TMEM131L: variants seen among roughly 807,000 people sequenced by gnomAD.
The protein encoded by TMEM131L is transmembrane protein 131-like.
Under a neutral mutation model 192.2 loss-of-function variants are expected in TMEM131L, and 54 were observed. The observed-to-expected ratio is 0.28, with a 90% CI of 0.23 to 0.35. The LOEUF (loss-of-function observed/expected upper bound fraction) is 0.35. Ranked by LOEUF, TMEM131L falls within the 10% of genes least tolerant of loss-of-function variation. The pLI, the probability that TMEM131L is intolerant of heterozygous loss-of-function variation, is 1.00. For missense variants in TMEM131L, 1,888 were observed against 1,972.9 expected (o/e 0.96, Z 0.82); for synonymous variants, 701 against 704.9 (o/e 0.99, Z 0.09).
intron 25 of TMEM131L, among the ~76,000 whole-genome samples, chr4:153,605,490 C>G (rs114646207): frequency 0.032 from 4,889 of 152,330 alleles, 215 homozygotes; most frequent in African/African-American, 0.09. Context: ...ATCCCAGCCT[C>G]CTGAGTAGCT....
Position 153,466,413 on chromosome 4 carries a change from C to T in TMEM131L, c.16C>T (p.Arg6Cys). MAGLRRPQPGCYCRTA... is the reference protein window; with the variant it reads MAGLRCPQPGCYCRTA... ...GAGCAGCAGCATGGCGGGGCTCCGA[C>T]GCCCGCAGCCCGGCTGCTACTGCCG... Residue 6 changes from arginine to cysteine, a missense_variant, in exon 1 of 35, where the codon CGC becomes TGC. Transcript: ENST00000409959. The T allele has an allele frequency of 7.4e-7, 1 of 1,352,210 alleles. No homozygotes were observed. Among genetic ancestry groups the T allele is most frequent in the Admixed American group, 2.9e-5 (1 of 34,640 alleles). The allele number at this position is 1,352,210 out of a possible 1,614,324, so 83.8% of individuals were successfully genotyped here. A position where few individuals can be genotyped will look rare whatever the true frequency, so the allele number is the denominator to read the frequency against.
intron 3 of TMEM131L, among the ~76,000 whole-genome samples, chr4:153,526,819 A>G (rs561485651): frequency 2.6e-5 from 4 of 152,268 alleles, no homozygotes; most frequent in South Asian, 2.1e-4. Flanking sequence ...GAAATGTGCT[A>G]TAACAGAGAT....
intron 3 of TMEM131L, among the ~76,000 whole-genome samples, chr4:153,495,940 A>G (rs1733143008): frequency 6.6e-6 from 1 of 152,146 alleles, no homozygotes; most frequent in Non-Finnish European, 1.5e-5. Flanking sequence ...GAACTGTTTC[A>G]GTGGAGTAAT....
chr4:153,550,408 G>A (rs1343235802), intron 4 of TMEM131L, among the ~76,000 whole-genome samples: 1 of 152,044 alleles, frequency 6.6e-6, no homozygotes, highest in Non-Finnish European at 1.5e-5. Context: ...CTCACTGCAA[G>A]CTCTGCCTCC....
chr4:153,473,210 G>C (rs1189153427), intron 2 of TMEM131L, among the ~76,000 whole-genome samples: 1 of 152,222 alleles, frequency 6.6e-6, no homozygotes, highest in Non-Finnish European at 1.5e-5. Flanking sequence ...GGACTGAAGT[G>C]ATGACATTGA....
At chr4:153,528,421 G>C (rs1735655329) in intron 3 of TMEM131L, among the ~76,000 whole-genome samples, 1 of 152,182 alleles carries the variant, frequency 6.6e-6, no homozygotes, top group African/African-American at 2.4e-5. Context: ...AATATAGAGT[G>C]TGAAGTCTGG....
chr4:153,523,036 T>C (rs920585723), intron 3 of TMEM131L, among the ~76,000 whole-genome samples: 1 of 152,170 alleles, frequency 6.6e-6, no homozygotes, highest in Non-Finnish European at 1.5e-5. Context: ...TAAGGATGAG[T>C]AGGTTTTTGT....
intron 25 of TMEM131L, among the ~76,000 whole-genome samples, chr4:153,610,178 A>T (rs1732516493): frequency 1.3e-5 from 2 of 152,214 alleles, no homozygotes; most frequent in Admixed American, 6.5e-5. Flanking sequence ...AATGAAGTTG[A>T]TCTAAACCCT....
At chr4:153,529,567 G>T (rs2150220387) in intron 3 of TMEM131L, among the ~76,000 whole-genome samples, 1 of 152,294 alleles carries the variant, frequency 6.6e-6, no homozygotes, top group East Asian at 1.9e-4. Flanking sequence ...CTGAATCCTT[G>T]GGGGGAAAAT....
rs946996986 is a variant in TMEM131L at position 153,580,341 on chromosome 4, CT to C, written c.661-476del. On this transcript the variant is annotated intron_variant, in intron 7 of 34. Transcript: ENST00000409959. ...ATAGTCAGTTGAATTTTGGACATCT[CT>C]TTTTTTTTATTTTTTGTTTTTTTGG... is the stretch of plus-strand genomic sequence containing the variant. Among the ~76,000 whole-genome samples the C allele has an allele frequency of 8.9e-4, 135 of 151,532 alleles. 1 individual carries two copies. Among genetic ancestry groups the C allele is most frequent in the African/African-American group, 2.8e-3 (117 of 41,316 alleles).
In TMEM131L at chr4:153,590,098, G is replaced by A. The variant is rs550390901; in HGVS notation, c.1671-955G>A. ...AGTTGATCCAGTAGTGTTCATTATA[G>A]CTGCTTTTTTATCTTTTCTTTTAAC... On this transcript the variant is annotated intron_variant, in intron 16 of 34. Transcript: ENST00000409959. Among the ~76,000 whole-genome samples the A allele has an allele frequency of 3.3e-5, 5 of 152,280 alleles. No individual in the cohort carries two copies. In the South Asian group the frequency reaches 8.3e-4, roughly 25 times the overall value.
intron 3 of TMEM131L, among the ~76,000 whole-genome samples, chr4:153,478,153 T>C (rs1731683053): frequency 6.6e-6 from 1 of 152,244 alleles, no homozygotes. Context: ...TTTTTTGGGT[T>C]GAGGTCTGTT....
chr4:153,584,962 G>T (rs1369032466), intron 12 of TMEM131L, 31 bp downstream of exon 12: 1 of 1,486,166 alleles, frequency 6.7e-7, no homozygotes, highest in South Asian at 1.1e-5. Flanking sequence ...CTGAAATCTT[G>T]TATGGTTGTT....
intron 21 of TMEM131L, among the ~76,000 whole-genome samples, chr4:153,600,494 C>G (rs954620364): frequency 7.2e-5 from 11 of 151,986 alleles, no homozygotes; most frequent in African/African-American, 2.7e-4. Context: ...TTTAGAAATA[C>G]ATTAACATGT....
At chr4:153,506,176 T>TA (rs1733971965) in intron 3 of TMEM131L, among the ~76,000 whole-genome samples, 2 of 152,304 alleles carry the variant, frequency 1.3e-5, no homozygotes, top group Admixed American at 6.5e-5. Flanking sequence ...CACCAGGTGA[T>TA]ACCTGGGAAA....
intron 3 of TMEM131L, among the ~76,000 whole-genome samples, chr4:153,513,156 T>C (rs1734478088): frequency 1.3e-5 from 2 of 152,214 alleles, no homozygotes; most frequent in African/African-American, 4.8e-5. Flanking sequence ...CTGGTTCTGT[T>C]CTAGCAGGCT....
chr4:153,537,441 C>T (rs1359422447), intron 3 of TMEM131L, among the ~76,000 whole-genome samples: 1 of 152,136 alleles, frequency 6.6e-6, no homozygotes, highest in African/African-American at 2.4e-5. Flanking sequence ...TCAGAACAGC[C>T]CTGAGGGCTG....
At chr4:153,484,990 G>A (rs1732218847) in intron 3 of TMEM131L, among the ~76,000 whole-genome samples, 1 of 149,496 alleles carries the variant, frequency 6.7e-6, no homozygotes, top group South Asian at 2.1e-4. Context: ...GTGGTGGCGG[G>A]CGCCTGTAGT....
At chr4:153,609,327 A>G (rs1732457785) in intron 25 of TMEM131L, among the ~76,000 whole-genome samples, 1 of 152,116 alleles carries the variant, frequency 6.6e-6, no homozygotes, top group Non-Finnish European at 1.5e-5. Context: ...TAAACAACTA[A>G]ATCTCGTGAG....
Sources: gnomAD v4.1 joint callset for allele counts (sites outside exome capture counted in the v4.1 genomes callset) on GRCh38, gnomAD v4.1.1 for gene constraint, MANE v1.5 for transcripts, NCBI Gene and HGNC (gene_info 2026-07-23, HGNC 2026-07-21) for gene names.